GALNT13: variants seen among roughly 807,000 people sequenced by gnomAD.
GALNT13 encodes UDP-GalNAc:polypeptide N-acetylgalactosaminyltransferase 13.
In GALNT13, 28 loss-of-function variants were observed where a neutral mutation model predicts 64.2. The observed-to-expected ratio is 0.44, with a 90% confidence interval of 0.32 to 0.60. The LOEUF is 0.60. Among genes scored for constraint, GALNT13 ranks in the 20% least tolerant of loss-of-function variants. The pLI is 0.05. For missense variants in GALNT13, 577 were observed against 669.8 expected, an observed-to-expected ratio of 0.86 and a Z score of 1.53; for synonymous variants, 214 against 224.6, an observed-to-expected ratio of 0.95 and a Z score of 0.42.
At chr2:153,903,287 C>T (rs964837739) in intron 2 of GALNT13, among the ~76,000 whole-genome samples, 5 of 151,808 alleles carry the variant, frequency 3.3e-5, no homozygotes, top group African/African-American at 7.3e-5. Context: ...CGTAAAAGAA[C>T]GCATTTTAAA....
At chr2:153,692,368 A>G in the GALNT13 span, among the ~76,000 whole-genome samples, 2 of 152,208 alleles carry the variant, frequency 1.3e-5, no homozygotes, top group Admixed American at 1.3e-4. Context: ...TAAAAAAACA[A>G]TAATGAATCC....
intron 10 of GALNT13, among the ~76,000 whole-genome samples, chr2:154,397,720 C>A (rs1205121271): frequency 6.6e-6 from 1 of 152,104 alleles, no homozygotes; most frequent in Non-Finnish European, 1.5e-5. Context: ...CATATTCATG[C>A]CTTATTGTCC....
the GALNT13 span, among the ~76,000 whole-genome samples, chr2:153,178,816 G>A: frequency 0.98 from 144,142 of 147,446 alleles, 70,533 homozygotes; most frequent in East Asian, 1. Context: ...GCTCACCACA[G>A]TCTCTGCTGC....
chr2:153,248,190 G>C, the GALNT13 span, among the ~76,000 whole-genome samples: 1 of 152,130 alleles, frequency 6.6e-6, no homozygotes, highest in African/African-American at 2.4e-5. Context: ...GAAAAAGAGG[G>C]ACTCCTCACT....
At chr2:153,262,699 AC>A in the GALNT13 span, among the ~76,000 whole-genome samples, 8 of 152,158 alleles carry the variant, frequency 5.3e-5, no homozygotes. Context: ...AAAGGCAAAA[AC>A]CACATGATTA....
chr2:154,287,044 G>C, intron 8 of GALNT13: 1 of 665,926 alleles, frequency 1.5e-6, no homozygotes, highest in African/African-American at 1.8e-5. Flanking sequence ...GCAGGTGAGT[G>C]ATGACCTTAC....
chr2:153,682,062 C>G, the GALNT13 span, among the ~76,000 whole-genome samples: 1 of 151,658 alleles, frequency 6.6e-6, no homozygotes, highest in East Asian at 1.9e-4. Context: ...CGTTCAATGT[C>G]GTGGCATATA....
At chr2:153,916,076 C>A (rs547611632) in intron 2 of GALNT13, among the ~76,000 whole-genome samples, 2 of 151,852 alleles carry the variant, frequency 1.3e-5, no homozygotes, top group African/African-American at 4.8e-5. Context: ...CTGATCTTTT[C>A]TTTTCTTTTT....
chr2:154,415,947 C>T (rs965665975), intron 11 of GALNT13, among the ~76,000 whole-genome samples: 1 of 151,954 alleles, frequency 6.6e-6, no homozygotes, highest in African/African-American at 2.4e-5. Context: ...AATAGAATGG[C>T]CTATGAGGAA....
intron 9 of GALNT13, among the ~76,000 whole-genome samples, chr2:154,378,377 T>G (rs1316696906): frequency 6.6e-6 from 1 of 152,158 alleles, no homozygotes; most frequent in Non-Finnish European, 1.5e-5. Context: ...ACTAATATTT[T>G]AAGTTAGGGA....
chr2:153,309,420 G>T, the GALNT13 span, among the ~76,000 whole-genome samples: 1 of 152,046 alleles, frequency 6.6e-6, no homozygotes, highest in African/African-American at 2.4e-5. Flanking sequence ...TGAAGAATTG[G>T]AATAGAACAT....
At chr2:153,924,417 T>G (rs755201553) in intron 2 of GALNT13, among the ~76,000 whole-genome samples, 8 of 152,226 alleles carry the variant, frequency 5.3e-5, no homozygotes, top group Non-Finnish European at 7.3e-5. Flanking sequence ...TGCATAATAT[T>G]CCATGGTGTA....
At chr2:154,421,862 G>A (rs534662680) in intron 11 of GALNT13, among the ~76,000 whole-genome samples, 55 of 151,928 alleles carry the variant, frequency 3.6e-4, no homozygotes, top group African/African-American at 1.3e-3. Context: ...ATATAAATAG[G>A]CACACAAACC....
the GALNT13 span, among the ~76,000 whole-genome samples, chr2:153,243,734 T>C: frequency 6.6e-6 from 1 of 152,202 alleles, no homozygotes; most frequent in East Asian, 1.9e-4. Context: ...GCATGTTCTG[T>C]GGGTATGAGC....
the GALNT13 span, among the ~76,000 whole-genome samples, chr2:153,455,448 G>C: frequency 3.9e-5 from 6 of 152,186 alleles, no homozygotes; most frequent in Non-Finnish European, 8.8e-5. Flanking sequence ...GCGGGAACGA[G>C]TGAATGAGTG....
intron 6 of GALNT13, 70 bp downstream of exon 6, chr2:154,242,975 A>G: frequency 8.0e-7 from 1 of 1,242,278 alleles, no homozygotes; most frequent in Non-Finnish European, 1.1e-6. Context: ...GATGTCCATC[A>G]GAATTTCTCT....
chr2:154,108,480 A>G (rs2105481110), intron 3 of GALNT13, among the ~76,000 whole-genome samples: 1 of 152,014 alleles, frequency 6.6e-6, no homozygotes. Context: ...AATTTCTTAC[A>G]TATTTTAGAT....
chr2:153,644,559 A>G, the GALNT13 span, among the ~76,000 whole-genome samples: 1 of 152,030 alleles, frequency 6.6e-6, no homozygotes, highest in South Asian at 2.1e-4. Flanking sequence ...ATTGATTCCC[A>G]TGGTTCAGGA....
At chr2:154,185,633 A>G (rs1044132953) in intron 4 of GALNT13, among the ~76,000 whole-genome samples, 3 of 151,822 alleles carry the variant, frequency 2.0e-5, no homozygotes, top group African/African-American at 7.2e-5. Flanking sequence ...CTGCTGTTAA[A>G]GTTCTCCATT....
Sources: gnomAD v4.1 joint callset for allele counts (sites outside exome capture counted in the v4.1 genomes callset) on GRCh38, gnomAD v4.1.1 for gene constraint, MANE v1.5 for transcripts, NCBI Gene and HGNC (gene_info 2026-07-23, HGNC 2026-07-21) for gene names.